Variants in FAT3 observed in about 807,000 individuals in gnomAD.
FAT3 encodes FAT atypical cadherin 3.
In FAT3, 95 loss-of-function variants were observed where a neutral mutation model predicts 310.2. The ratio of observed to expected loss-of-function variants is 0.31; its 90% CI spans 0.26 to 0.36. The LOEUF (loss-of-function observed/expected upper bound fraction) is 0.36. FAT3 is among the 10% of genes least tolerant of loss of function. The pLI, the probability that FAT3 is intolerant of heterozygous loss-of-function variation, is 1.00. For synonymous variants in FAT3, 2,314 were observed against 2,192.9 expected (o/e 1.06, Z -1.54); for missense variants, 5,408 against 5,715.6 (o/e 0.95, Z 1.74).
intron 3 of FAT3, among the ~76,000 whole-genome samples, chr11:92,676,809 A>G (rs922323685): frequency 3.9e-5 from 6 of 152,206 alleles, no homozygotes; most frequent in Non-Finnish European, 8.8e-5. Context: ...AATACTTTCT[A>G]TTTGAAACAG....
At chr11:92,565,802 T>C (rs1423110919) in intron 3 of FAT3, among the ~76,000 whole-genome samples, 1 of 152,172 alleles carries the variant, frequency 6.6e-6, no homozygotes, top group Non-Finnish European at 1.5e-5. Flanking sequence ...GATATCTCAA[T>C]AGATGCAGAA....
chr11:92,450,649 A>G (rs1333857232), intron 2 of FAT3, among the ~76,000 whole-genome samples: 3 of 152,168 alleles, frequency 2.0e-5, no homozygotes, highest in Non-Finnish European at 4.4e-5. Context: ...CTGTATCTCA[A>G]TCAGGTGAAT....
intron 3 of FAT3, among the ~76,000 whole-genome samples, chr11:92,551,455 A>G (rs1333251281): frequency 2.4e-5 from 1 of 40,824 alleles, no homozygotes; most frequent in Non-Finnish European, 6.3e-5. Context: ...TTTTCTCATC[A>G]ATAAACTTTT....
At chr11:92,751,390 G>T (rs750260367) in intron 4 of FAT3, among the ~76,000 whole-genome samples, 1 of 152,170 alleles carries the variant, frequency 6.6e-6, no homozygotes, top group Non-Finnish European at 1.5e-5. Flanking sequence ...TAAATAAGAC[G>T]TAGAGAGAAA....
intron 3 of FAT3, chr11:92,559,383 CTTTTT>C (rs386374501): frequency 8.6e-4 from 123 of 143,826 alleles, no homozygotes; most frequent in South Asian, 2.3e-3. Flanking sequence ...ACTTATTTTC[CTTTTT>C]TTTTTTTTTT....
At position 92,347,051 on chromosome 11, in the gene FAT3, G is replaced by A. The variant is rs766533702; in HGVS notation, c.-17-5045G>A. Among the ~76,000 whole-genome samples the A allele has an allele frequency of 9.9e-5, 15 of 152,102 alleles. 1 individual carries two copies. The highest frequency in any genetic ancestry group is 1.9e-4 in the Non-Finnish European group (13 of 68,016). Reference sequence around the variant, plus strand: ...TATTAACTCAAATCCTATTCGGTAGGCATTATTGTTCTCATTTTATAGAAG... The same window carrying A: ...TATTAACTCAAATCCTATTCGGTAGACATTATTGTTCTCATTTTATAGAAG... On this transcript the variant is annotated intron_variant, in intron 1 of 27. Coordinates refer to ENST00000525166, the MANE Select transcript of FAT3 (RefSeq NM_001367949.2).
intron 4 of FAT3, among the ~76,000 whole-genome samples, chr11:92,741,699 AC>A (rs1945515292): frequency 6.6e-6 from 1 of 152,206 alleles, no homozygotes. Flanking sequence ...TAATTAAAAT[AC>A]TTTATCCAAG....
At chr11:92,618,897 A>T (rs762769550) in intron 3 of FAT3, among the ~76,000 whole-genome samples, 1 of 152,138 alleles carries the variant, frequency 6.6e-6, no homozygotes, top group Non-Finnish European at 1.5e-5. Context: ...AAGCAGCAAG[A>T]GCATACACCC....
chr11:92,432,919 A>C (rs996575039), intron 2 of FAT3, among the ~76,000 whole-genome samples: 35 of 152,290 alleles, frequency 2.3e-4, no homozygotes, highest in African/African-American at 8.4e-4. Flanking sequence ...CCTTTCTTTC[A>C]GAGATGCCCT....
At chr11:92,416,872 T>C (rs1056267145) in intron 2 of FAT3, among the ~76,000 whole-genome samples, 1 of 152,142 alleles carries the variant, frequency 6.6e-6, no homozygotes, top group African/African-American at 2.4e-5. Context: ...CTGGGAAAGA[T>C]TGATGCATTT....
rs1183108165 is a variant in FAT3 at position 92,882,580 on chromosome 11, CCCCCT to C, written c.12282-153_12282-149del. 6.5e-3 allele frequency among the ~76,000 whole-genome samples: 578 copies of C among 89,496 alleles called. 19 individuals carry two copies. Among genetic ancestry groups the C allele is most frequent in the South Asian group, 0.03 (75 of 2,526 alleles). 58.7% of individuals were successfully genotyped at this position (89,496 alleles called of 152,430 possible). On this transcript the variant is annotated intron_variant, in intron 23 of 27. Coordinates refer to ENST00000525166, the MANE Select transcript of FAT3 (RefSeq NM_001367949.2). The stretch of plus-strand genomic sequence containing the variant: ...GGCCACAGAAATGCCTAAATTAACT[CCCCCT>C]CCCCCCCCCCACCAACCATCTTTGT...
At chr11:92,430,528 A>G (rs979451299) in intron 2 of FAT3, among the ~76,000 whole-genome samples, 13 of 150,900 alleles carry the variant, frequency 8.6e-5, no homozygotes, top group African/African-American at 2.7e-4. Context: ...TTTAATATAT[A>G]CTTTAAGTTT....
chr11:92,678,661 C>A (rs186576871), intron 3 of FAT3, among the ~76,000 whole-genome samples: 1 of 152,116 alleles, frequency 6.6e-6, no homozygotes, highest in East Asian at 1.9e-4. Flanking sequence ...CTTAAGACTC[C>A]GAGTTTTTTA....
chr11:92,758,958 T>C (rs1410683227), intron 4 of FAT3, among the ~76,000 whole-genome samples: 1 of 152,160 alleles, frequency 6.6e-6, no homozygotes, highest in Non-Finnish European at 1.5e-5. Flanking sequence ...GATTTCAGTT[T>C]GTGACTTTTG....
chr11:92,646,420 G>A (rs1163164083), intron 3 of FAT3, among the ~76,000 whole-genome samples: 1 of 152,158 alleles, frequency 6.6e-6, no homozygotes, highest in Non-Finnish European at 1.5e-5. Context: ...ATATTCTATT[G>A]GTCAAGCAAG....
chr11:92,462,873 T>A (rs2135116240), intron 2 of FAT3, among the ~76,000 whole-genome samples: 1 of 152,350 alleles, frequency 6.6e-6, no homozygotes, highest in Admixed American at 6.5e-5. Context: ...TACTTCTTGT[T>A]CTCATCTGTC....
At chr11:92,442,078 A>ATT (rs1339635943) in intron 2 of FAT3, among the ~76,000 whole-genome samples, 56 of 84,404 alleles carry the variant, frequency 6.6e-4, no homozygotes, top group African/African-American at 3.2e-3. Context: ...AGAAATATAT[A>ATT]TTTTATATAT....
chr11:92,409,712 A>G (rs79837118), intron 2 of FAT3, among the ~76,000 whole-genome samples: 3,852 of 152,292 alleles, frequency 0.025, 189 homozygotes, highest in African/African-American at 0.087. Flanking sequence ...GATCAGTTCC[A>G]TAAGATAATG....
At chr11:92,320,522 G>A (rs532323522) in intron 1 of FAT3, among the ~76,000 whole-genome samples, 1 of 152,240 alleles carries the variant, frequency 6.6e-6, no homozygotes, top group East Asian at 1.9e-4. Flanking sequence ...ATAGCACTAA[G>A]GATCAAATTC....
Sources: gnomAD v4.1 joint callset for allele counts (sites outside exome capture counted in the v4.1 genomes callset) on GRCh38, gnomAD v4.1.1 for gene constraint, MANE v1.5 for transcripts, NCBI Gene and HGNC (gene_info 2026-07-23, HGNC 2026-07-21) for gene names.